PROM1: variants seen among roughly 807,000 people sequenced by gnomAD.
The protein encoded by PROM1 is prominin 1, also known as prominin-1.
Under a neutral mutation model 116.9 loss-of-function variants are expected in PROM1, and 105 were observed. The ratio of observed to expected loss-of-function variants is 0.90; its 90% CI spans 0.77 to 1.06. The LOEUF (loss-of-function observed/expected upper bound fraction) is 1.06, where lower values mean the gene tolerates loss of function less well. Ranked by LOEUF, PROM1 falls within the 50% of genes least tolerant of loss-of-function variation. The probability of loss-of-function intolerance (pLI) is 0.00; values close to 1 mark genes in which losing one functional copy is unlikely to be tolerated. For missense variants in PROM1, 1,122 were observed against 1,045.2 expected, an observed-to-expected ratio of 1.07 and a Z score of -1.01; for synonymous variants, 393 against 387.0, an observed-to-expected ratio of 1.02 and a Z score of -0.18.
chr4:15,988,792 AC>A (rs1222317991), intron 19 of PROM1, among the ~76,000 whole-genome samples: 2 of 135,034 alleles, frequency 1.5e-5, no homozygotes, highest in Admixed American at 7.3e-5. Flanking sequence ...AGCACTGGAC[AC>A]AAATTAAGAA....
In PROM1 at chr4:16,033,528, A is replaced by G; in HGVS notation, c.304-19T>C. The G allele has an allele frequency of 1.9e-6, 3 of 1,553,186 alleles. No homozygotes were observed. The highest frequency in any genetic ancestry group is 2.4e-5 in the South Asian group (2 of 84,552). On this transcript the variant is annotated intron_variant, in intron 4 of 27. Transcript: ENST00000447510. Reference sequence around the variant, plus strand: ...AGACAATCTGCAATTCAAACAAAAGAAACAGCACATATTGTAGCACAAAAT... The same window carrying G: ...AGACAATCTGCAATTCAAACAAAAGGAACAGCACATATTGTAGCACAAAAT...
In PROM1 at chr4:16,064,434, C is replaced by T. The variant is rs1741050323; in HGVS notation, c.220+11253G>A. Among the ~76,000 whole-genome samples, 6 of 152,104 alleles carry T rather than the reference C, an allele frequency of 3.9e-5. No homozygotes were observed. The South Asian group carries it at 1.0e-3, about 26-fold the overall frequency. Reference sequence around the variant, plus strand: ...ACTACGGAAAGTCAGGCGGGCGTTACCCTTGGGAGGAGGCAGGAGACAGTG... The same window carrying T: ...ACTACGGAAAGTCAGGCGGGCGTTATCCTTGGGAGGAGGCAGGAGACAGTG... On this transcript the variant is annotated intron_variant, in intron 2 of 27. Coordinates refer to ENST00000447510, the MANE Select transcript of PROM1 (RefSeq NM_006017.3).
At chr4:16,027,367 A>T (rs2149354077) in intron 5 of PROM1, among the ~76,000 whole-genome samples, 1 of 151,956 alleles carries the variant, frequency 6.6e-6, no homozygotes, top group East Asian at 1.9e-4. Flanking sequence ...TGCCATGCCA[A>T]ATTCAAAACA....
intron 26 of PROM1, chr4:15,971,293 G>C: frequency 1.9e-6 from 1 of 531,314 alleles, no homozygotes; most frequent in African/African-American, 1.9e-5. Flanking sequence ...AGAAGATAAA[G>C]AGGATAAACA....
Position 16,009,218 on chromosome 4 carries a change from T to C in PROM1, c.1142-110A>G, listed in dbSNP as rs1578000358. 7.0e-6 allele frequency: 6 copies of C among 857,200 alleles called. No individual in the cohort carries two copies. The East Asian group carries it at 7.8e-5, about 11-fold the overall frequency. 53.1% of individuals were successfully genotyped at this position (857,200 alleles called of 1,614,324 possible). On this transcript the variant is annotated intron_variant, in intron 11 of 27. Coordinates refer to ENST00000447510, the MANE Select transcript of PROM1 (RefSeq NM_006017.3). ...ACCACCTTTAGTTTTTCTCATGTCA[T>C]GTATGTGTTTAAAATATGGTAAGAT...
intron 1 of PROM1, among the ~76,000 whole-genome samples, chr4:16,077,644 G>A (rs981607719): frequency 3.3e-5 from 5 of 151,852 alleles, no homozygotes; most frequent in Admixed American, 6.6e-5. Context: ...TTAACCATGC[G>A]GCCAAGAGTC....
chr4:16,040,035 C>T (rs964974470), intron 2 of PROM1, among the ~76,000 whole-genome samples: 2 of 152,148 alleles, frequency 1.3e-5, no homozygotes, highest in African/African-American at 4.8e-5. Context: ...GCCACCTGTA[C>T]ACTCTCTCTC....
chr4:16,005,841 A>C (rs564601731), intron 13 of PROM1, among the ~76,000 whole-genome samples: 8 of 152,292 alleles, frequency 5.3e-5, no homozygotes, highest in African/African-American at 1.9e-4. Flanking sequence ...CCATTACACC[A>C]CATCCTAGCT....
At chr4:16,070,979 G>GA (rs1742676313) in intron 2 of PROM1, among the ~76,000 whole-genome samples, 1 of 152,056 alleles carries the variant, frequency 6.6e-6, no homozygotes, top group Non-Finnish European at 1.5e-5. Flanking sequence ...ATGTCTAAGA[G>GA]AAAAAAGGGT....
At chr4:16,083,579 C>G (rs1401320836) in intron 1 of PROM1, 3 of 152,616 alleles carry the variant, frequency 2.0e-5, no homozygotes, top group African/African-American at 7.2e-5. Context: ...ACTGTACACC[C>G]CCAGTACAGT....
At chr4:16,041,785 AATATATAT>A (rs200674323) in intron 2 of PROM1, among the ~76,000 whole-genome samples, 626 of 37,616 alleles carry the variant, frequency 0.017, 6 homozygotes, top group African/African-American at 0.044. Context: ...TAAATAAATA[AATATATAT>A]ATATATATAT....
chr4:15,985,780 G>C lies in PROM1; in HGVS notation c.2260C>G (p.Leu754Val). The C allele has an allele frequency of 6.7e-7, 1 of 1,491,030 alleles. No individual in the cohort carries two copies. Among genetic ancestry groups the C allele is most frequent in the Non-Finnish European group, 9.1e-7 (1 of 1,101,480 alleles). 92.4% of individuals were successfully genotyped at this position (1,491,030 alleles called of 1,614,324 possible). A position where few individuals can be genotyped will look rare whatever the true frequency, so the allele number is the denominator to read the frequency against. ...CTTACAGAGAACTCGATCCACTGCA[G>C]ATAATGTTCAAAATATCCTATTATT... ...RTIIGYFEHY[L>V]QWIEFSISEK... Residue 754 changes from leucine to valine, a missense_variant, in exon 22 of 28, where the codon CTG becomes GTG. Coordinates refer to ENST00000447510, the MANE Select transcript of PROM1 (RefSeq NM_006017.3).
chr4:16,067,544 T>G (rs564122223), intron 2 of PROM1, among the ~76,000 whole-genome samples: 7 of 152,140 alleles, frequency 4.6e-5, no homozygotes, highest in Non-Finnish European at 1.0e-4. Flanking sequence ...ATGGCAGCTG[T>G]AAGTTGCCCA....
At chr4:16,063,282 G>A (rs540307766) in intron 2 of PROM1, among the ~76,000 whole-genome samples, 1 of 152,120 alleles carries the variant, frequency 6.6e-6, no homozygotes, top group Admixed American at 6.6e-5. Context: ...AAGACATAAA[G>A]GTGCACCTTA....
rs1351151841 is a variant in PROM1 at position 15,982,790 on chromosome 4, G to A, written c.2373+1473C>T. The stretch of plus-strand genomic sequence containing the variant: ...TGGCGGCAGGGGCCACCAAGCACAG[G>A]ACAAGAAAAGTAGTTGCAAGAAGAA... On this transcript the variant is annotated intron_variant, in intron 23 of 27. Transcript: ENST00000447510. Among the ~76,000 whole-genome samples the A allele has an allele frequency of 2.0e-5, 3 of 152,178 alleles. No individual in the cohort carries two copies. The East Asian group carries it at 5.8e-4, about 29-fold the overall frequency.
intron 2 of PROM1, among the ~76,000 whole-genome samples, chr4:16,055,853 T>A (rs990764699): frequency 1.3e-5 from 2 of 151,734 alleles, no homozygotes; most frequent in African/African-American, 4.9e-5. Context: ...ATTAATCGTA[T>A]CTTTTGGCTA....
At chr4:16,009,824 G>A (rs758742686) in intron 11 of PROM1, among the ~76,000 whole-genome samples, 3 of 151,404 alleles carry the variant, frequency 2.0e-5, no homozygotes, top group Non-Finnish European at 2.9e-5. Flanking sequence ...CCTGTAACTC[G>A]GGAGGCTGAG....
intron 6 of PROM1, among the ~76,000 whole-genome samples, chr4:16,024,769 T>C (rs765510438): frequency 2.6e-5 from 4 of 152,106 alleles, no homozygotes; most frequent in Non-Finnish European, 5.9e-5. Context: ...ATTCGATATA[T>C]CTATGCAGAC....
Position 16,076,076 on chromosome 4 carries a change from G to A in PROM1, c.-170C>T, listed in dbSNP as rs1245995240. On this transcript the variant is annotated 5_prime_UTR_variant, in exon 2 of 28. Coordinates refer to ENST00000447510, the MANE Select transcript of PROM1 (RefSeq NM_006017.3). The stretch of plus-strand genomic sequence containing the variant: ...AGGCTGGCTTGAGGCGAGGGATGCG[G>A]AAGAATGTTCTCCAAGGGGGTCATT... The A allele has an allele frequency of 1.4e-5, 19 of 1,351,728 alleles. No homozygotes were observed. Among genetic ancestry groups the A allele is most frequent in the Non-Finnish European group, 1.7e-5 (17 of 1,027,408 alleles). 83.7% of individuals were successfully genotyped at this position (1,351,728 alleles called of 1,614,324 possible).
Sources: allele counts gnomAD v4.1 joint callset (sites outside exome capture counted in the v4.1 genomes callset), GRCh38; gene constraint gnomAD v4.1.1; transcripts MANE v1.5; gene names NCBI Gene and HGNC (gene_info 2026-07-23, HGNC 2026-07-21).